The following SEC24B variants were observed in gnomAD, a reference collection of about 807,000 sequenced individuals.
SEC24B encodes protein transport protein Sec24B.
A neutral mutation model predicts 142.8 loss-of-function variants in SEC24B; 45 were observed. The ratio of observed to expected loss-of-function variants is 0.32; its 90% confidence interval spans 0.25 to 0.40. The LOEUF (loss-of-function observed/expected upper bound fraction) is 0.40, where lower values mean the gene tolerates loss of function less well. Among genes scored for constraint, SEC24B ranks in the 10% least tolerant of loss-of-function variants. SEC24B has a pLI of 1.00. For missense variants in SEC24B, 1,409 were observed against 1,526.8 expected, an observed-to-expected ratio of 0.92 and a Z score of 1.29; for synonymous variants, 574 against 568.2, an observed-to-expected ratio of 1.01 and a Z score of -0.15.
chr4:109,445,118 T>A (rs887347100), intron 1 of SEC24B, among the ~76,000 whole-genome samples: 1 of 151,958 alleles, frequency 6.6e-6, no homozygotes, highest in Admixed American at 6.6e-5. Flanking sequence ...AGAGATGGAG[T>A]TTCACTCTGT....
intron 11 of SEC24B, among the ~76,000 whole-genome samples, chr4:109,519,447 A>C (rs968344278): frequency 6.6e-6 from 1 of 152,224 alleles, no homozygotes; most frequent in Non-Finnish European, 1.5e-5. Context: ...AATGTATAAT[A>C]TGTTTTTGGA....
chr4:109,449,581 C>T lies in SEC24B; in HGVS notation c.134-13320C>T. On this transcript the variant is annotated intron_variant, in intron 1 of 23. Transcript: ENST00000265175. ...GGCTGGAAGTTTGAGAGAGTGTCAG[C>T]ATGGTCATATTCTAATGAGGGCCCT... is the stretch of plus-strand genomic sequence containing the variant. The T allele has an allele frequency of 6.7e-6, 3 of 450,830 alleles. No homozygotes were observed. In the Middle Eastern group the frequency reaches 9.9e-4, roughly 149 times the overall value. The allele number at this position is 450,830 out of a possible 1,614,324, so 27.9% of individuals were successfully genotyped here. A position where few individuals can be genotyped will look rare whatever the true frequency, so the allele number is the denominator to read the frequency against.
intron 6 of SEC24B, among the ~76,000 whole-genome samples, chr4:109,501,758 C>G (rs1736174812): frequency 6.6e-6 from 1 of 152,216 alleles, no homozygotes; most frequent in South Asian, 2.1e-4. Context: ...AGGCGCAAGC[C>G]ACTGCATCCG....
chr4:109,460,830 T>C (rs1171021755), intron 1 of SEC24B, among the ~76,000 whole-genome samples: 1 of 151,388 alleles, frequency 6.6e-6, no homozygotes, highest in Non-Finnish European at 1.5e-5. Context: ...AAAATAAATA[T>C]ATGCTATACT....
At chr4:109,527,898 TCTTA>T in intron 18 of SEC24B, among the ~76,000 whole-genome samples, 1 of 152,324 alleles carries the variant, frequency 6.6e-6, no homozygotes, top group Non-Finnish European at 1.5e-5. Context: ...TCTTCCTTAA[TCTTA>T]CTTTCAAAAT....
intron 6 of SEC24B, among the ~76,000 whole-genome samples, chr4:109,502,923 C>T (rs368099635): frequency 7.2e-5 from 11 of 152,166 alleles, no homozygotes; most frequent in African/African-American, 2.4e-4. Flanking sequence ...TGTGTGTCTG[C>T]AATAAGTGTA....
At chr4:109,498,433 C>T (rs1016080587) in intron 6 of SEC24B, among the ~76,000 whole-genome samples, 7 of 152,150 alleles carry the variant, frequency 4.6e-5, no homozygotes, top group African/African-American at 1.7e-4. Flanking sequence ...TCTCGGCTCG[C>T]GGCTCACTGC....
chr4:109,538,675 T>A, intron 23 of SEC24B, 79 bp downstream of exon 23: 1 of 792,206 alleles, frequency 1.3e-6, no homozygotes, highest in Non-Finnish European at 2.2e-6. Flanking sequence ...AAGCAAACTT[T>A]AAATAGTAGC....
chr4:109,506,667 G>C (rs903674216), intron 7 of SEC24B, among the ~76,000 whole-genome samples, 155 bp downstream of exon 7: 22 of 152,138 alleles, frequency 1.4e-4, no homozygotes, highest in African/African-American at 5.1e-4. Context: ...TTTGACTTAG[G>C]TCATCTCTTT....
intron 1 of SEC24B, among the ~76,000 whole-genome samples, chr4:109,454,511 C>T (rs912222093): frequency 6.6e-6 from 1 of 151,062 alleles, no homozygotes; most frequent in Non-Finnish European, 1.5e-5. Context: ...GCACTCCAGC[C>T]TGGGTGACAG....
intron 21 of SEC24B, 129 bp from the exon 22 acceptor site, chr4:109,533,464 A>G (rs1368356688): frequency 1.5e-6 from 1 of 671,878 alleles, no homozygotes; most frequent in African/African-American, 1.8e-5. Context: ...TTCACAATGT[A>G]ACAATTATAG....
chr4:109,468,010 T>C (rs1273730292), intron 2 of SEC24B, among the ~76,000 whole-genome samples: 1 of 152,230 alleles, frequency 6.6e-6, no homozygotes, highest in African/African-American at 2.4e-5. Flanking sequence ...TAGTCACTGA[T>C]AAGTTAATAC....
chr4:109,439,284 C>A (rs1410216265), intron 1 of SEC24B, among the ~76,000 whole-genome samples: 1 of 152,002 alleles, frequency 6.6e-6, no homozygotes, highest in Non-Finnish European at 1.5e-5. Context: ...TTTGAGGGCA[C>A]ATGCAGCATT....
At chr4:109,460,123 G>A (rs1731106356) in intron 1 of SEC24B, among the ~76,000 whole-genome samples, 1 of 152,042 alleles carries the variant, frequency 6.6e-6, no homozygotes, top group African/African-American at 2.4e-5. Context: ...ATTATAGGAG[G>A]AATGTAGATG....
Position 109,463,065 on chromosome 4 carries a change from C to CA in SEC24B, c.302dup (p.Asn101LysfsTer5). ...CTCTGCTCTCTATACAGTACCAACACAAAATGTGACTCCTAACACAGTGAA... is the reference window on the plus strand; with the variant it reads ...CTCTGCTCTCTATACAGTACCAACACAAAAATGTGACTCCTAACACAGTGAA... On this transcript the variant is annotated frameshift_variant, in exon 2 of 24. Coordinates refer to ENST00000265175, the MANE Select transcript of SEC24B (RefSeq NM_006323.5). LOFTEE classifies it high-confidence loss of function. 1 of 1,614,154 alleles carries CA rather than the reference C, an allele frequency of 6.2e-7. No homozygotes were observed. Among genetic ancestry groups the CA allele is most frequent in the Non-Finnish European group, 8.5e-7 (1 of 1,180,020 alleles).
At chr4:109,538,412 A>G (rs1579021816) in intron 22 of SEC24B, 81 bp from the exon 23 acceptor site, 1 of 863,538 alleles carries the variant, frequency 1.2e-6, no homozygotes, top group East Asian at 2.5e-5. Flanking sequence ...GTTGGGGGTG[A>G]TGGTAGGAAT....
chr4:109,505,085 A>G (rs1455356338), intron 6 of SEC24B, among the ~76,000 whole-genome samples: 1 of 152,090 alleles, frequency 6.6e-6, no homozygotes, highest in Non-Finnish European at 1.5e-5. Context: ...AGAGGTGTCA[A>G]GAGTGAAATA....
chr4:109,457,166 T>A (rs1458208997), intron 1 of SEC24B, among the ~76,000 whole-genome samples: 1 of 152,214 alleles, frequency 6.6e-6, no homozygotes, highest in African/African-American at 2.4e-5. Context: ...TACTACACTT[T>A]GAGAATTTCT....
chr4:109,485,675 T>C (rs1172694122), intron 4 of SEC24B, among the ~76,000 whole-genome samples: 1 of 152,250 alleles, frequency 6.6e-6, no homozygotes, highest in East Asian at 1.9e-4. Flanking sequence ...TTAAATGGAA[T>C]TTTATTTTTT....
Sources: gnomAD v4.1 joint callset for allele counts (sites outside exome capture counted in the v4.1 genomes callset) on GRCh38, gnomAD v4.1.1 for gene constraint, MANE v1.5 for transcripts, NCBI Gene and HGNC (gene_info 2026-07-23, HGNC 2026-07-21) for gene names.